Variants in TRPA1 observed in about 807,000 individuals in gnomAD.
TRPA1 encodes transient receptor potential cation channel subfamily A member 1.
In TRPA1, 129 loss-of-function variants were observed where a neutral mutation model predicts 131.3. The observed-to-expected ratio is 0.98, with a 90% confidence interval of 0.85 to 1.14. TRPA1 has a LOEUF of 1.14. Ranked by LOEUF, TRPA1 falls within the 50% of genes most tolerant of loss-of-function variation. The pLI is 0.00. For synonymous variants in TRPA1, 441 were observed against 451.7 expected (o/e 0.98, Z 0.30); for missense variants, 1,304 against 1,354.2 (o/e 0.96, Z 0.58).
chr8:72,026,305 G>A (rs36013930), intron 24 of TRPA1, among the ~76,000 whole-genome samples: 36,931 of 152,206 alleles, frequency 0.24, 4,683 homozygotes, highest in Middle Eastern at 0.42. Context: ...GGGAGAAGAA[G>A]GAGAGGGGGA....
intron 21 of TRPA1, among the ~76,000 whole-genome samples, chr8:72,035,898 G>A (rs891141964): frequency 1.3e-5 from 2 of 149,284 alleles, no homozygotes; most frequent in Non-Finnish European, 3.0e-5. Flanking sequence ...TTCATTTTTG[G>A]TTGTCATAAC....
intron 7 of TRPA1, 46 bp downstream of exon 7, chr8:72,061,579 A>C: frequency 6.2e-7 from 1 of 1,611,772 alleles, no homozygotes; most frequent in Non-Finnish European, 8.5e-7. Flanking sequence ...AATTTCACTC[A>C]TGAAGATGAA....
chr8:72,059,107 G>A (rs1805744122), intron 8 of TRPA1, among the ~76,000 whole-genome samples: 2 of 152,112 alleles, frequency 1.3e-5, no homozygotes, highest in South Asian at 4.1e-4. Context: ...ACAGGCCATG[G>A]GAACAGCTTT....
chr8:72,038,688 T>C (rs1470992640), intron 19 of TRPA1, 177 bp downstream of exon 19: 3 of 596,400 alleles, frequency 5.0e-6, no homozygotes, highest in African/African-American at 1.9e-5. Context: ...GACCTGTTTG[T>C]TTATATTCCC....
chr8:72,036,901 T>C (rs72659649), intron 20 of TRPA1, among the ~76,000 whole-genome samples: 1,584 of 152,260 alleles, frequency 0.01, 12 homozygotes, highest in Middle Eastern at 0.058. Flanking sequence ...TAAAAACAAA[T>C]AATAATGGTA....
At position 72,069,007 on chromosome 8, in the gene TRPA1, C is replaced by A. The variant is rs535663878; in HGVS notation, c.444+16G>T. ...CACCGCCGGTCAGGCCCTTTGGAGC[C>A]GGCCAGTAGCCTTACCTTCATCACC... On this transcript the variant is annotated intron_variant, in intron 3 of 26. Transcript: ENST00000262209. The A allele has an allele frequency of 6.2e-7, 1 of 1,614,002 alleles. No homozygotes were observed. The highest frequency in any genetic ancestry group is 1.3e-5 in the African/African-American group (1 of 74,922).
chr8:72,056,253 G>A, intron 10 of TRPA1: 1 of 240,704 alleles, frequency 4.2e-6, no homozygotes, highest in South Asian at 6.1e-5. Flanking sequence ...TAAAATGGAT[G>A]GGATGTAAAC....
chr8:72,047,797 T>G (rs1358574516), intron 15 of TRPA1, among the ~76,000 whole-genome samples: 2 of 152,240 alleles, frequency 1.3e-5, no homozygotes, highest in East Asian at 3.9e-4. Flanking sequence ...TCATTATATA[T>G]AGGCCAATAT....
intron 23 of TRPA1, among the ~76,000 whole-genome samples, chr8:72,030,746 T>C (rs778915359): frequency 6.6e-6 from 1 of 152,154 alleles, no homozygotes; most frequent in Non-Finnish European, 1.5e-5. Context: ...AATACTAAAC[T>C]GAGAGAATGA....
chr8:72,048,900 T>C (rs1374609616), intron 15 of TRPA1, among the ~76,000 whole-genome samples: 2 of 152,230 alleles, frequency 1.3e-5, no homozygotes, highest in East Asian at 1.9e-4. Flanking sequence ...TATTTCAACA[T>C]TGTTTTACAA....
At chr8:72,052,145 G>C (rs1389950795) in intron 14 of TRPA1, among the ~76,000 whole-genome samples, 2 of 152,162 alleles carry the variant, frequency 1.3e-5, no homozygotes, top group Non-Finnish European at 2.9e-5. Context: ...AAAATGGCCA[G>C]GCACAGTGGC....
In TRPA1 at chr8:72,075,432, T is replaced by G. The variant is rs1303364587; in HGVS notation, c.-23A>C. 5 of 1,573,996 alleles carry G rather than the reference T, an allele frequency of 3.2e-6. No homozygotes were observed. The African/African-American group carries it at 6.7e-5, about 21-fold the overall frequency. ...CATTGACCCCACCCCGGACGCCACCTGGTGCAGCTGCTCACCACGCGCGCG... is the reference window on the plus strand; with the variant it reads ...CATTGACCCCACCCCGGACGCCACCGGGTGCAGCTGCTCACCACGCGCGCG... On this transcript the variant is annotated 5_prime_UTR_variant, in exon 1 of 27. Coordinates refer to ENST00000262209, the MANE Select transcript of TRPA1 (RefSeq NM_007332.3).
In TRPA1 at chr8:72,029,880, G is replaced by A. The variant is rs144527603; in HGVS notation, c.2937+21C>T. ...TTACCAGAAGATAACACTGTAATAA[G>A]TGGGGAGGCACTGCACTTACCTGCA... On this transcript the variant is annotated intron_variant, in intron 24 of 26. Coordinates refer to ENST00000262209, the MANE Select transcript of TRPA1 (RefSeq NM_007332.3). 3,261 of 1,611,360 alleles carry A rather than the reference G, an allele frequency of 2.0e-3. 58 individuals are homozygous for A. The African/African-American group carries it at 0.037, about 19-fold the overall frequency.
chr8:72,052,669 C>A lies in TRPA1; in HGVS notation c.1741G>T (p.Ala581Ser), dbSNP rs371476875. The stretch of plus-strand genomic sequence containing the variant: ...TGAAGTGCAAGGTGCAAAAAGGAGG[C>A]CTGCTGCTTGTTCAGGACTATGTCA... The part of the protein sequence containing the change: ...NADIVLNKQQ[A>S]SFLHLALHNK... Residue 581 changes from alanine to serine, a missense_variant, in exon 14 of 27, where the codon GCC (alanine) becomes TCC (serine). Ala to Ser is a moderately conservative substitution (Grantham distance 99). Transcript: ENST00000262209. 21 of 1,613,790 alleles carry A rather than the reference C, an allele frequency of 1.3e-5. No homozygotes were observed. The highest frequency in any genetic ancestry group is 2.2e-5 in the East Asian group (1 of 44,852).
upstream of TRPA1, among the ~76,000 whole-genome samples, chr8:72,076,355 A>T (rs1218427580): frequency 1.3e-5 from 2 of 151,976 alleles, no homozygotes; most frequent in Non-Finnish European, 2.9e-5. Flanking sequence ...TCAATCGAAG[A>T]GGCTGGTTCT....
intron 24 of TRPA1, among the ~76,000 whole-genome samples, chr8:72,028,315 C>A (rs1227380450): frequency 6.6e-6 from 1 of 152,114 alleles, no homozygotes. Context: ...TGAATAAACC[C>A]CCCTATCATC....
chr8:72,046,678 T>C, intron 16 of TRPA1, 70 bp from the exon 17 acceptor site: 4 of 799,486 alleles, frequency 5.0e-6, no homozygotes, highest in Non-Finnish European at 8.2e-6. Flanking sequence ...AAGTAATTCT[T>C]GAAAAAATCA....
At position 72,029,971 on chromosome 8, in the gene TRPA1, T is replaced by A. The variant is rs1380204103; in HGVS notation, c.2869-2A>T. ...AATGTCGCCAACTGCCAAACCAATC[T>A]GAAGTATGACACAAAATTAAATCAC... On this transcript the variant is annotated splice_acceptor_variant, in intron 23 of 26. Transcript: ENST00000262209. LOFTEE classifies it high-confidence loss of function. 1 of 1,613,594 alleles carries A rather than the reference T, an allele frequency of 6.2e-7. No homozygotes were observed. The highest frequency in any genetic ancestry group is 1.3e-5 in the African/African-American group (1 of 75,050).
intron 3 of TRPA1, among the ~76,000 whole-genome samples, chr8:72,067,157 C>T (rs763981842): frequency 1.4e-4 from 22 of 152,076 alleles, no homozygotes; most frequent in African/African-American, 3.9e-4. Flanking sequence ...GTTTGAGGGA[C>T]GGTCAGTGGA....
Sources: gnomAD v4.1 joint callset for allele counts (sites outside exome capture counted in the v4.1 genomes callset) on GRCh38, gnomAD v4.1.1 for gene constraint, MANE v1.5 for transcripts, NCBI Gene and HGNC (gene_info 2026-07-23, HGNC 2026-07-21) for gene names.